Variants in ATP6V1D observed in about 807,000 individuals in gnomAD.
The protein encoded by ATP6V1D is ATPase H+ transporting V1 subunit D.
In ATP6V1D, 20 loss-of-function variants were observed where a neutral mutation model predicts 39.4. That is an observed-to-expected ratio of 0.51 (90% CI 0.36 to 0.74). The LOEUF is 0.74. Among genes scored for constraint, ATP6V1D ranks in the 30% least tolerant of loss-of-function variants. The probability of loss-of-function intolerance (pLI) is 0.00; values close to 1 mark genes in which losing one functional copy is unlikely to be tolerated. For synonymous variants in ATP6V1D, 100 were observed against 100.5 expected, an observed-to-expected ratio of 0.99 and a Z score of 0.03; for missense variants, 228 against 291.6, an observed-to-expected ratio of 0.78 and a Z score of 1.59.
At chr14:67,339,422 C>T (rs1026890335) in intron 8 of ATP6V1D, among the ~76,000 whole-genome samples, 1 of 152,040 alleles carries the variant, frequency 6.6e-6, no homozygotes, top group African/African-American at 2.4e-5. Context: ...CAGAAACTAA[C>T]CTTTGATAAT....
chr14:67,347,510 TTTTTTTC>T, intron 4 of ATP6V1D, 57 bp from the exon 5 acceptor site: 1 of 1,485,806 alleles, frequency 6.7e-7, no homozygotes. Flanking sequence ...CTCTTTTTTT[TTTTTTTC>T]TGAGACGGAG....
At chr14:67,340,593 A>G (rs1252122976) in intron 7 of ATP6V1D, 75 bp from the exon 8 acceptor site, 5 of 1,234,632 alleles carry the variant, frequency 4.0e-6, no homozygotes, top group African/African-American at 3.0e-5. Context: ...TCATTTGTAT[A>G]ACAGTTATTT....
chr14:67,344,101 C>T (rs2085604602), intron 6 of ATP6V1D, among the ~76,000 whole-genome samples: 1 of 152,192 alleles, frequency 6.6e-6, no homozygotes, highest in Admixed American at 6.5e-5. Flanking sequence ...TGATTTGTTT[C>T]TGATTCATGA....
chr14:67,356,237 T>C (rs901910037), intron 1 of ATP6V1D, among the ~76,000 whole-genome samples: 11 of 152,032 alleles, frequency 7.2e-5, no homozygotes, highest in African/African-American at 2.2e-4. Flanking sequence ...CTGGCCAACA[T>C]AGTGAAACCC....
intron 4 of ATP6V1D, among the ~76,000 whole-genome samples, chr14:67,347,789 C>T (rs2085630281): frequency 6.6e-6 from 1 of 152,100 alleles, no homozygotes; most frequent in Non-Finnish European, 1.5e-5. Flanking sequence ...TATGAGCCAC[C>T]GCGCCTGGCC....
chr14:67,338,704 C>G lies in ATP6V1D; in HGVS notation c.661G>C (p.Glu221Gln). Residue 221 changes from glutamate to glutamine, a missense_variant, in exon 9 of 9, where the codon GAG (glutamate) becomes CAG (glutamine). Glu to Gln is a conservative substitution (Grantham distance 29). Around this residue, in one of 3 missense-constraint regions of ATP6V1D, gnomAD observed 114 missense variants for 128.3 expected, o/e 0.89. Transcript: ENST00000216442. ...ACCTCTCCAGCTGCTCTCCTTTGCTCCAAGTCCTTCTCAGATTTTTCCTTT... is the reference window on the plus strand; with the variant it reads ...ACCTCTCCAGCTGCTCTCCTTTGCTGCAAGTCCTTCTCAGATTTTTCCTTT... ...ILKEKSEKDLEQRRAAGEVLE... is the reference protein window; with the variant it reads ...ILKEKSEKDLQQRRAAGEVLE... 1.9e-6 allele frequency: 3 copies of G among 1,613,834 alleles called. No homozygotes were observed. Among genetic ancestry groups the G allele is most frequent in the South Asian group, 2.2e-5 (2 of 91,066 alleles).
intron 7 of ATP6V1D, among the ~76,000 whole-genome samples, chr14:67,342,212 A>AATTT (rs1323704286): frequency 2.5e-5 from 3 of 119,164 alleles, no homozygotes; most frequent in African/African-American, 1.1e-4. Context: ...AAATAAATAA[A>AATTT]TAAAATAAAA....
In ATP6V1D at chr14:67,342,385, G is replaced by A. The variant is rs562892693; in HGVS notation, c.523+987C>T. Among the ~76,000 whole-genome samples, 3 of 151,678 alleles carry A rather than the reference G, an allele frequency of 2.0e-5. No homozygotes were observed. In the South Asian group the frequency reaches 6.2e-4, roughly 31 times the overall value. On this transcript the variant is annotated intron_variant, in intron 7 of 8. Coordinates refer to ENST00000216442, the MANE Select transcript of ATP6V1D (RefSeq NM_015994.4). ...CAACACTGAATGTGCTGAATTCTATGAATATATAACATTGAAGCACAGATG... is the reference window on the plus strand; with the variant it reads ...CAACACTGAATGTGCTGAATTCTATAAATATATAACATTGAAGCACAGATG...
At chr14:67,354,381 T>G (rs917930204) in intron 1 of ATP6V1D, among the ~76,000 whole-genome samples, 1 of 152,224 alleles carries the variant, frequency 6.6e-6, no homozygotes, top group Admixed American at 6.5e-5. Flanking sequence ...ATATTAAGGA[T>G]TTAAAAATCT....
At chr14:67,357,673 G>C (rs1194460287) in intron 1 of ATP6V1D, among the ~76,000 whole-genome samples, 1 of 152,212 alleles carries the variant, frequency 6.6e-6, no homozygotes, top group African/African-American at 2.4e-5. Flanking sequence ...GTAAACCACT[G>C]ATAGTAGGGG....
chr14:67,350,744 T>C (rs2085650063), intron 2 of ATP6V1D, 54 bp from the exon 3 acceptor site: 1 of 1,486,456 alleles, frequency 6.7e-7, no homozygotes, highest in African/African-American at 1.4e-5. Flanking sequence ...CAAGGAAATA[T>C]TCCATCATAA....
intron 5 of ATP6V1D, among the ~76,000 whole-genome samples, chr14:67,346,257 T>G (rs983394448): frequency 7.9e-5 from 12 of 152,272 alleles, no homozygotes; most frequent in African/African-American, 2.7e-4. Flanking sequence ...TCTATATGAT[T>G]TAATTAAATA....
At chr14:67,340,580 T>C in intron 7 of ATP6V1D, 62 bp from the exon 8 acceptor site, 2 of 1,331,182 alleles carry the variant, frequency 1.5e-6, no homozygotes, top group Non-Finnish European at 2.1e-6. Context: ...AAATTATCAG[T>C]GCTCATTTGT....
chr14:67,359,450 C>A (rs2085711913), intron 1 of ATP6V1D, among the ~76,000 whole-genome samples: 1 of 151,928 alleles, frequency 6.6e-6, no homozygotes, highest in Non-Finnish European at 1.5e-5. Flanking sequence ...TTCCTACCGG[C>A]TGGGATCGCT....
At chr14:67,347,131 G>A (rs1040619693) in intron 5 of ATP6V1D, among the ~76,000 whole-genome samples, 5 of 152,016 alleles carry the variant, frequency 3.3e-5, no homozygotes, top group African/African-American at 7.2e-5. Context: ...CTACAGGCAC[G>A]TGCCACCACA....
chr14:67,349,410 C>G (rs2085642497), intron 3 of ATP6V1D, among the ~76,000 whole-genome samples: 1 of 152,232 alleles, frequency 6.6e-6, no homozygotes. Flanking sequence ...TTTAAGGATT[C>G]TTCTGCTAGT....
At chr14:67,357,287 C>T (rs2085691844) in intron 1 of ATP6V1D, among the ~76,000 whole-genome samples, 1 of 152,230 alleles carries the variant, frequency 6.6e-6, no homozygotes, top group South Asian at 2.1e-4. Context: ...AAAACTTGCT[C>T]CTTTACATGT....
chr14:67,346,496 G>C (rs1374709259), intron 5 of ATP6V1D, among the ~76,000 whole-genome samples: 2 of 152,166 alleles, frequency 1.3e-5, no homozygotes, highest in African/African-American at 4.8e-5. Context: ...AACTTTTTGG[G>C]TGGAGACGGG....
chr14:67,340,186 T>TAA, intron 8 of ATP6V1D: 2 of 390,062 alleles, frequency 5.1e-6, no homozygotes, highest in Non-Finnish European at 9.4e-6. Context: ...AACATATATT[T>TAA]AAAAAAAAAA....
Sources: allele counts gnomAD v4.1 joint callset (sites outside exome capture counted in the v4.1 genomes callset), GRCh38; gene constraint gnomAD v4.1.1; regional missense constraint gnomAD v4.1.1; transcripts MANE v1.5; gene names NCBI Gene and HGNC (gene_info 2026-07-23, HGNC 2026-07-21).